Variants in DRC12 observed in about 807,000 individuals in gnomAD.
DRC12 encodes dynein regulatory complex subunit 12 homolog, also known as dynein regulatory complex protein 12.
At chr11:119,193,738 C>T in the DRC12 span, 14 of 1,550,648 alleles carry the variant, frequency 9.0e-6, no homozygotes, top group African/African-American at 1.6e-4. Context: ...CCCCTGTCTC[C>T]TGCCCACCTG....
chr11:119,194,515 CAAAAAAAAAAA>C, the DRC12 span, among the ~76,000 whole-genome samples: 4 of 27,494 alleles, frequency 1.5e-4, no homozygotes, highest in South Asian at 2.7e-3. Context: ...GACTCTGTCT[CAAAAAAAAAAA>C]AAAAAAAAAA....
At chr11:119,191,534 C>T in the DRC12 span, among the ~76,000 whole-genome samples, 3 of 150,760 alleles carry the variant, frequency 2.0e-5, no homozygotes, top group Admixed American at 2.0e-4. Flanking sequence ...TGGCCGGGTG[C>T]GGTGGCTCAC....
the DRC12 span, chr11:119,193,216 T>C: frequency 1.2e-6 from 2 of 1,614,002 alleles, no homozygotes; most frequent in Middle Eastern, 1.6e-4. Context: ...CATATCCTCC[T>C]GCAGGGCATG....
the DRC12 span, among the ~76,000 whole-genome samples, chr11:119,191,389 C>T: frequency 6.6e-6 from 1 of 151,882 alleles, no homozygotes; most frequent in South Asian, 2.1e-4. Flanking sequence ...TGAGCCACCG[C>T]GGCTGGCTGG....
At chr11:119,195,758 T>A in the DRC12 span, 1 of 385,954 alleles carries the variant, frequency 2.6e-6, no homozygotes, top group Non-Finnish European at 4.7e-6. Context: ...CTGTACCTGC[T>A]CCCCTCCCTC....
chr11:119,190,894 A>C, the DRC12 span: 1 of 1,581,076 alleles, frequency 6.3e-7, no homozygotes, highest in African/African-American at 1.3e-5. This position sits in a 1 kb window ranked among gnomAD's most constrained non-coding sequence, Gnocchi z 4.2. Flanking sequence ...ATCCTTGACC[A>C]GTCTCTCCAA....
chr11:119,194,988 T>A, the DRC12 span: 4 of 1,551,216 alleles, frequency 2.6e-6, no homozygotes, highest in Non-Finnish European at 3.5e-6. Flanking sequence ...GGCCACCACA[T>A]CTGCACCTGC....
At chr11:119,191,732 TAGG>T in the DRC12 span, among the ~76,000 whole-genome samples, 1 of 151,538 alleles carries the variant, frequency 6.6e-6, no homozygotes, top group Non-Finnish European at 1.5e-5. Flanking sequence ...TGCTTGAACG[TAGG>T]AGGTGGAGGT....
chr11:119,190,800 A>G, the DRC12 span: 24 of 1,613,846 alleles, frequency 1.5e-5, no homozygotes, highest in Non-Finnish European at 1.9e-5. The surrounding 1 kb of genome is among the most constrained non-coding windows in gnomAD (Gnocchi z 4.2). Flanking sequence ...GAGCTTGTTC[A>G]GCCTCTTCCC....
chr11:119,190,747 A>G, the DRC12 span: 9 of 1,613,928 alleles, frequency 5.6e-6, no homozygotes, highest in Admixed American at 1.7e-5. The surrounding 1 kb of genome is among the most constrained non-coding windows in gnomAD (Gnocchi z 4.2). Context: ...CATGTCTGCC[A>G]TGTGGGCCCG....
chr11:119,190,516 G>A, the DRC12 span: 1 of 1,603,780 alleles, frequency 6.2e-7, no homozygotes, highest in Non-Finnish European at 8.5e-7. The surrounding 1 kb of genome is among the most constrained non-coding windows in gnomAD (Gnocchi z 4.2). Flanking sequence ...GCTGCCCCAG[G>A]TTGGTTCATA....
At chr11:119,194,841 A>C in the DRC12 span, 5 of 1,055,710 alleles carry the variant, frequency 4.7e-6, no homozygotes, top group Non-Finnish European at 5.6e-6. Flanking sequence ...CCATACCTCC[A>C]ACTCTCCAAT....
the DRC12 span, among the ~76,000 whole-genome samples, chr11:119,191,458 A>G: frequency 5.3e-5 from 8 of 152,044 alleles, no homozygotes; most frequent in African/African-American, 1.9e-4. Flanking sequence ...TGACCTTTAA[A>G]CATGATAAAT....
the DRC12 span, chr11:119,190,626 GTC>G: frequency 6.4e-7 from 1 of 1,568,584 alleles, no homozygotes; most frequent in Non-Finnish European, 8.7e-7. The surrounding 1 kb of genome is among the most constrained non-coding windows in gnomAD (Gnocchi z 4.2). Flanking sequence ...ACCCTGGGTT[GTC>G]AGTCATCATA....
the DRC12 span, chr11:119,193,829 T>G: frequency 3.9e-6 from 6 of 1,551,660 alleles, no homozygotes; most frequent in Non-Finnish European, 5.2e-6. Flanking sequence ...CCTTGCAGCC[T>G]CTGCCTCAGC....
chr11:119,195,093 A>C, the DRC12 span: 1 of 978,684 alleles, frequency 1.0e-6, no homozygotes, highest in South Asian at 1.5e-5. Context: ...GCCACAGCAG[A>C]CCTGAGGACC....
chr11:119,193,467 G>T, the DRC12 span: 1 of 1,066,872 alleles, frequency 9.4e-7, no homozygotes, highest in Non-Finnish European at 1.3e-6. Context: ...GGATGGGGAT[G>T]CTAGCCCTTC....
At chr11:119,191,260 C>T in the DRC12 span, among the ~76,000 whole-genome samples, 1 of 151,858 alleles carries the variant, frequency 6.6e-6, no homozygotes, top group Non-Finnish European at 1.5e-5. Flanking sequence ...CCACCATGCC[C>T]AGCTAATCTT....
the DRC12 span, chr11:119,190,603 C>T: frequency 1.9e-6 from 3 of 1,549,138 alleles, no homozygotes; most frequent in Non-Finnish European, 1.8e-6. The surrounding 1 kb of genome is among the most constrained non-coding windows in gnomAD (Gnocchi z 4.2). Flanking sequence ...CTTGGAGACG[C>T]TCCTTCTCCT....
Sources: allele counts gnomAD v4.1 joint callset (sites outside exome capture counted in the v4.1 genomes callset), GRCh38; gene constraint gnomAD v4.1.1; non-coding constraint Gnocchi (gnomAD v3.1); transcripts MANE v1.5; gene names NCBI Gene and HGNC (gene_info 2026-07-23, HGNC 2026-07-21).